The following CNMD variants were observed in gnomAD, a reference collection of about 807,000 sequenced individuals.
The protein encoded by CNMD is leukocyte cell-derived chemotaxin 1.
Under a neutral mutation model 37.5 loss-of-function variants are expected in CNMD, and 30 were observed. That is an observed-to-expected ratio of 0.80 (90% CI 0.60 to 1.09). The LOEUF is 1.09. Ranked by LOEUF, CNMD falls within the 50% of genes least tolerant of loss-of-function variation. CNMD has a pLI of 0.00. For synonymous variants in CNMD, 167 were observed against 148.2 expected (o/e 1.13, Z -0.92); for missense variants, 398 against 423.9 (o/e 0.94, Z 0.54).
chr13:52,715,971 G>A (rs1964371792), intron 4 of CNMD, among the ~76,000 whole-genome samples: 1 of 152,196 alleles, frequency 6.6e-6, no homozygotes, highest in Admixed American at 6.5e-5. Flanking sequence ...CCCATCAACA[G>A]TGTAAAAGCA....
chr13:52,708,262 A>G (rs1301080713), intron 6 of CNMD, among the ~76,000 whole-genome samples: 1 of 151,454 alleles, frequency 6.6e-6, no homozygotes, highest in Admixed American at 6.6e-5. Flanking sequence ...GCTCACTGCA[A>G]CCTCCATCTC....
At chr13:52,720,915 C>A (rs974654161) in intron 4 of CNMD, among the ~76,000 whole-genome samples, 16 of 152,194 alleles carry the variant, frequency 1.1e-4, no homozygotes, top group African/African-American at 3.6e-4. Flanking sequence ...CCGCCCCTTC[C>A]CCCAGGTGCT....
Position 52,739,320 on chromosome 13 carries a change from C to T in CNMD, c.73-149G>A. The T allele has an allele frequency of 1.1e-6, 1 of 944,520 alleles. No individual in the cohort carries two copies. 58.5% of individuals were successfully genotyped at this position (944,520 alleles called of 1,614,324 possible). On this transcript the variant is annotated intron_variant, in intron 1 of 6. Transcript: ENST00000377962. The surrounding 1 kb of genome is among the most constrained non-coding windows in gnomAD (Gnocchi z 5.4). ...CGGGCTCCTACGGGTGCCCCTTTCGCCGCGCTCCCTCCCGAGGGTCCTTTG... is the reference window on the plus strand; with the variant it reads ...CGGGCTCCTACGGGTGCCCCTTTCGTCGCGCTCCCTCCCGAGGGTCCTTTG...
intron 2 of CNMD, among the ~76,000 whole-genome samples, chr13:52,734,348 T>C (rs1964722593): frequency 6.6e-6 from 1 of 152,226 alleles, no homozygotes; most frequent in Non-Finnish European, 1.5e-5. Flanking sequence ...GTGGCTCTGC[T>C]TTTTCTGTCT....
intron 3 of CNMD, among the ~76,000 whole-genome samples, chr13:52,728,319 A>C (rs1041832900): frequency 6.6e-6 from 1 of 152,046 alleles, no homozygotes; most frequent in African/African-American, 2.4e-5. Context: ...CAGAGGTTGC[A>C]GTGAGCCAAG....
In CNMD at chr13:52,712,584, C is replaced by G. The variant is rs1964306704; in HGVS notation, c.622+132G>C. On this transcript the variant is annotated intron_variant, in intron 5 of 6. Transcript: ENST00000377962. The stretch of plus-strand genomic sequence containing the variant: ...GCTCTTTCATCTCTCATGCTAATTA[C>G]TGAGACACTGCGACATGCATCCTGA... 8 of 521,632 alleles carry G rather than the reference C, an allele frequency of 1.5e-5. No individual in the cohort carries two copies. The East Asian group carries it at 2.5e-4, about 16-fold the overall frequency. 32.3% of individuals were successfully genotyped at this position (521,632 alleles called of 1,614,324 possible).
At chr13:52,726,982 G>A (rs1026247510) in intron 3 of CNMD, among the ~76,000 whole-genome samples, 4 of 152,138 alleles carry the variant, frequency 2.6e-5, no homozygotes, top group African/African-American at 9.7e-5. Flanking sequence ...TTCAACAATA[G>A]AAGCCAGGCA....
At chr13:52,735,102 G>A (rs568955033) in intron 2 of CNMD, among the ~76,000 whole-genome samples, 1 of 152,172 alleles carries the variant, frequency 6.6e-6, no homozygotes, top group African/African-American at 2.4e-5. Context: ...CACTCCTGGG[G>A]GTTCTGATTT....
intron 6 of CNMD, among the ~76,000 whole-genome samples, chr13:52,707,083 G>A (rs1001005510): frequency 1.3e-5 from 2 of 151,870 alleles, no homozygotes; most frequent in African/African-American, 4.8e-5. Flanking sequence ...TAGTAGAGAC[G>A]GGGTTTTACC....
intron 4 of CNMD, among the ~76,000 whole-genome samples, chr13:52,718,035 A>C (rs1964419578): frequency 6.6e-6 from 1 of 152,162 alleles, no homozygotes; most frequent in African/African-American, 2.4e-5. Flanking sequence ...TTATTGGTCT[A>C]TTCAGGGATT....
At chr13:52,710,400 G>C (rs1245762230) in intron 5 of CNMD, among the ~76,000 whole-genome samples, 1 of 152,222 alleles carries the variant, frequency 6.6e-6, no homozygotes, top group Non-Finnish European at 1.5e-5. Context: ...TGAGGACAAA[G>C]CGTAATTCTC....
intron 4 of CNMD, among the ~76,000 whole-genome samples, chr13:52,717,135 T>C (rs1297109315): frequency 6.6e-6 from 1 of 152,218 alleles, no homozygotes; most frequent in Non-Finnish European, 1.5e-5. Flanking sequence ...CCTCATGATT[T>C]GGCTCTCTGT....
intron 3 of CNMD, among the ~76,000 whole-genome samples, chr13:52,728,989 C>T (rs1201744208): frequency 6.6e-6 from 1 of 152,140 alleles, no homozygotes; most frequent in African/African-American, 2.4e-5. Flanking sequence ...TTTTTGCAAA[C>T]AAACAGGCTT....
chr13:52,729,187 CCCAAGAGGG>C (rs1964623268), intron 3 of CNMD, among the ~76,000 whole-genome samples: 1 of 151,964 alleles, frequency 6.6e-6, no homozygotes, highest in Non-Finnish European at 1.5e-5. Context: ...AGTTCGTGTC[CCCAAGAGGG>C]CACTTTAGAA....
chr13:52,739,810 C>A lies in CNMD; in HGVS notation c.-109G>T, dbSNP rs530862766. 2.1e-6 allele frequency: 2 copies of A among 932,860 alleles called. No homozygotes were observed. The highest frequency in any genetic ancestry group is 5.2e-5 in the East Asian group (2 of 38,800). The allele number at this position is 932,860 out of a possible 1,614,324, so 57.8% of individuals were successfully genotyped here. On this transcript the variant is annotated 5_prime_UTR_variant, in exon 1 of 7. Coordinates refer to ENST00000377962, the MANE Select transcript of CNMD (RefSeq NM_007015.3). The surrounding 1 kb of genome is among the most constrained non-coding windows in gnomAD (Gnocchi z 5.4). Reference sequence around the variant, plus strand: ...CAACGCCGCGCGCACACACGGTGCACGGTCCCGCCTGGGCCAGCCCAGCGG... The same window carrying A: ...CAACGCCGCGCGCACACACGGTGCAAGGTCCCGCCTGGGCCAGCCCAGCGG...
intron 4 of CNMD, among the ~76,000 whole-genome samples, chr13:52,723,382 C>T (rs1016228892): frequency 5.9e-5 from 9 of 152,136 alleles, no homozygotes; most frequent in African/African-American, 2.2e-4. Flanking sequence ...CATGAGCCAC[C>T]ATGCCTGCCT....
Position 52,739,353 on chromosome 13 carries a change from G to C in CNMD, c.73-182C>G. ...CCTCCCGAGGGTCCTTTGCAGTCGGGCGTGGAAGTGGGATGAGCAAACCCC... is the reference window on the plus strand; with the variant it reads ...CCTCCCGAGGGTCCTTTGCAGTCGGCCGTGGAAGTGGGATGAGCAAACCCC... On this transcript the variant is annotated intron_variant, in intron 1 of 6. Transcript: ENST00000377962. This position sits in a 1 kb window ranked among gnomAD's most constrained non-coding sequence, Gnocchi z 5.4. The C allele has an allele frequency of 1.3e-6, 1 of 759,024 alleles. No individual in the cohort carries two copies. Among genetic ancestry groups the C allele is most frequent in the South Asian group, 1.9e-5 (1 of 51,778 alleles). The allele number at this position is 759,024 out of a possible 1,614,324, so 47.0% of individuals were successfully genotyped here.
chr13:52,708,430 C>G, intron 6 of CNMD, 106 bp downstream of exon 6: 1 of 975,992 alleles, frequency 1.0e-6, no homozygotes, highest in Non-Finnish European at 1.5e-6. Flanking sequence ...ATCTGCCCAC[C>G]CCTGCCTCCC....
chr13:52,738,924 G>C lies in CNMD; in HGVS notation c.213+107C>G, dbSNP rs371265996. On this transcript the variant is annotated intron_variant, in intron 2 of 6. Transcript: ENST00000377962. ...GGAGAGGGGAGCTCACGCTGGGCCC[G>C]AGGGGCCCGCCGGCAGCCGCGCGCC... 707 of 1,105,578 alleles carry C rather than the reference G, an allele frequency of 6.4e-4. 2 individuals carry two copies. The African/African-American group carries it at 9.2e-3, about 14-fold the overall frequency. The allele number at this position is 1,105,578 out of a possible 1,614,324, so 68.5% of individuals were successfully genotyped here.
Sources: gnomAD v4.1 joint callset for allele counts (sites outside exome capture counted in the v4.1 genomes callset) on GRCh38, gnomAD v4.1.1 for gene constraint, Gnocchi (gnomAD v3.1) non-coding constraint, MANE v1.5 for transcripts, NCBI Gene and HGNC (gene_info 2026-07-23, HGNC 2026-07-21) for gene names.